PTPRG: variants seen among roughly 807,000 people sequenced by gnomAD.
PTPRG encodes receptor-type tyrosine-protein phosphatase gamma.
PTPRG carries 102 observed loss-of-function variants against 165.3 expected under a neutral mutation model. That is an observed-to-expected ratio of 0.62 (90% confidence interval 0.53 to 0.73). PTPRG has a LOEUF of 0.73. PTPRG is among the 30% of genes least tolerant of loss of function. The pLI, the probability that PTPRG is intolerant of heterozygous loss-of-function variation, is 0.00. For synonymous variants in PTPRG, 675 were observed against 669.5 expected (o/e 1.01, Z -0.13); for missense variants, 1,866 against 1,861.4 (o/e 1.00, Z -0.05).
chr3:62,142,088 G>T (rs1703953951), intron 6 of PTPRG, among the ~76,000 whole-genome samples: 3 of 149,876 alleles, frequency 2.0e-5, no homozygotes, highest in Non-Finnish European at 4.4e-5. Context: ...ATCCGAGATT[G>T]GTAAAGTTAA....
chr3:62,265,456 G>A (rs939571276), intron 17 of PTPRG, among the ~76,000 whole-genome samples: 17 of 151,918 alleles, frequency 1.1e-4, no homozygotes, highest in Admixed American at 4.6e-4. Flanking sequence ...ACATTTGTAG[G>A]TTGTATCCTA....
chr3:61,570,260 CT>C (rs11306926), intron 1 of PTPRG, among the ~76,000 whole-genome samples: 58,283 of 147,108 alleles, frequency 0.4, 11,475 homozygotes, highest in East Asian at 0.61. Context: ...CTAATCTTTT[CT>C]TTTTTTTTTT....
chr3:61,711,169 C>T (rs1172895638), intron 1 of PTPRG, among the ~76,000 whole-genome samples: 3 of 152,164 alleles, frequency 2.0e-5, no homozygotes, highest in African/African-American at 4.8e-5. Context: ...TCCAGTCTGT[C>T]ATTGATAGAC....
intron 8 of PTPRG, among the ~76,000 whole-genome samples, chr3:62,175,257 T>C (rs986515201): frequency 4.6e-5 from 7 of 152,234 alleles, no homozygotes; most frequent in Non-Finnish European, 1.0e-4. Flanking sequence ...ATGTCAGACA[T>C]TTTTTCTAGC....
intron 1 of PTPRG, among the ~76,000 whole-genome samples, chr3:61,726,427 T>TA (rs1323721405): frequency 6.6e-6 from 1 of 152,192 alleles, no homozygotes; most frequent in Non-Finnish European, 1.5e-5. Context: ...GGAAATATAA[T>TA]ATCAAATCTC....
chr3:62,018,366 G>T (rs1187545554), intron 4 of PTPRG, among the ~76,000 whole-genome samples: 5 of 152,186 alleles, frequency 3.3e-5, no homozygotes, highest in Non-Finnish European at 7.3e-5. Context: ...CTTTAATGTG[G>T]ATATGATGCC....
intron 2 of PTPRG, chr3:61,750,393 A>G (rs2033382647): frequency 6.6e-6 from 1 of 152,220 alleles, no homozygotes; most frequent in Non-Finnish European, 1.5e-5. Context: ...ATGGCAGTGA[A>G]GAGATGAAAG....
intron 2 of PTPRG, among the ~76,000 whole-genome samples, chr3:61,851,546 G>T (rs915998138): frequency 6.6e-6 from 1 of 152,022 alleles, no homozygotes. Flanking sequence ...TTCCAAATGT[G>T]CTTTTCACAT....
chr3:62,142,881 G>C (rs1703981962), intron 6 of PTPRG, among the ~76,000 whole-genome samples: 2 of 152,158 alleles, frequency 1.3e-5, no homozygotes, highest in Admixed American at 1.3e-4. Context: ...AGCCCAGCAG[G>C]GATCACTGCA....
At chr3:61,727,984 A>T (rs948413312) in intron 1 of PTPRG, among the ~76,000 whole-genome samples, 2 of 152,194 alleles carry the variant, frequency 1.3e-5, no homozygotes, top group African/African-American at 4.8e-5. Context: ...TAGCTGAACC[A>T]TTTGTGATAT....
At chr3:61,759,001 CTGT>C (rs1315838838) in intron 2 of PTPRG, among the ~76,000 whole-genome samples, 3 of 152,110 alleles carry the variant, frequency 2.0e-5, no homozygotes, top group Non-Finnish European at 4.4e-5. Flanking sequence ...TTATATGATC[CTGT>C]TGTGCTCAGT....
intron 1 of PTPRG, among the ~76,000 whole-genome samples, chr3:61,668,397 C>G (rs951104447): frequency 2.6e-5 from 4 of 152,140 alleles, no homozygotes; most frequent in Non-Finnish European, 5.9e-5. Context: ...CTCTAGAAAG[C>G]CCGGCTTTAA....
At chr3:61,593,362 A>G (rs1212396945) in intron 1 of PTPRG, among the ~76,000 whole-genome samples, 2 of 151,404 alleles carry the variant, frequency 1.3e-5, no homozygotes, top group Admixed American at 6.6e-5. Flanking sequence ...ACCAGGAATC[A>G]GCATTTCCTT....
intron 1 of PTPRG, among the ~76,000 whole-genome samples, chr3:61,609,528 C>T (rs569309721): frequency 6.6e-6 from 1 of 152,306 alleles, no homozygotes; most frequent in Admixed American, 6.5e-5. Flanking sequence ...CACTCTACAT[C>T]TCTTATCATT....
chr3:61,941,915 T>G (rs2039640492), intron 2 of PTPRG, among the ~76,000 whole-genome samples: 1 of 152,030 alleles, frequency 6.6e-6, no homozygotes, highest in Non-Finnish European at 1.5e-5. Context: ...TCCCAATACT[T>G]TGGAAGGTCG....
chr3:62,263,981 A>G lies in PTPRG; in HGVS notation c.2656+1087A>G, dbSNP rs1326389167. 2.0e-5 allele frequency: 3 copies of G among 152,288 alleles called. No individual in the cohort carries two copies. The East Asian group carries it at 5.8e-4, about 29-fold the overall frequency. The allele number at this position is 152,288 out of a possible 1,614,324, so 9.4% of individuals were successfully genotyped here. ...GCTAATGCGGTGAAACCCTGTCTCT[A>G]CTAAAAATACAAAAATTAGCCGGGC... On this transcript the variant is annotated intron_variant, in intron 17 of 29. Coordinates refer to ENST00000474889, the MANE Select transcript of PTPRG (RefSeq NM_002841.4).
rs148352398 is a variant in PTPRG at position 61,887,123 on chromosome 3, CATATATATATATATATATATATAT to C, written c.191-102477_191-102454del. On this transcript the variant is annotated intron_variant, in intron 2 of 29. Coordinates refer to ENST00000474889, the MANE Select transcript of PTPRG (RefSeq NM_002841.4). ...ATTTTTAAAGTATAACCATAGCATG[CATATATATATATATATATATATAT>C]ATATATATATATATATATATATATT... Among the ~76,000 whole-genome samples the C allele has an allele frequency of 6.6e-4, 57 of 85,946 alleles. 3 individuals carry two copies. In the East Asian group the frequency reaches 7.8e-3, roughly 12 times the overall value. 56.4% of individuals were successfully genotyped at this position (85,946 alleles called of 152,430 possible). A position where few individuals can be genotyped will look rare whatever the true frequency, so the allele number is the denominator to read the frequency against.
At chr3:61,906,069 CATT>C (rs1183383499) in intron 2 of PTPRG, among the ~76,000 whole-genome samples, 1 of 151,854 alleles carries the variant, frequency 6.6e-6, no homozygotes, top group Non-Finnish European at 1.5e-5. Context: ...GTACATGTGA[CATT>C]ATTAAAGTTG....
At chr3:62,239,352 TTTTC>T (rs1243027739) in intron 14 of PTPRG, among the ~76,000 whole-genome samples, 14 of 150,772 alleles carry the variant, frequency 9.3e-5, no homozygotes, top group Admixed American at 2.0e-4. Context: ...TTTCTTTCTT[TTTTC>T]TTTCTTTTTT....
Sources: allele counts gnomAD v4.1 joint callset (sites outside exome capture counted in the v4.1 genomes callset), GRCh38; gene constraint gnomAD v4.1.1; transcripts MANE v1.5; gene names NCBI Gene and HGNC (gene_info 2026-07-23, HGNC 2026-07-21).